Variants in LCORL observed in about 807,000 individuals in gnomAD.
LCORL encodes ligand dependent nuclear receptor corepressor like.
LCORL carries 41 observed loss-of-function variants against 141.8 expected under a neutral mutation model. The observed-to-expected ratio is 0.29, with a 90% CI of 0.23 to 0.38. The LOEUF is 0.38. LCORL is among the 10% of genes least tolerant of loss of function. LCORL has a pLI of 1.00. For missense variants in LCORL, 1,759 were observed against 2,035.0 expected (o/e 0.86, Z 2.61); for synonymous variants, 618 against 694.1 (o/e 0.89, Z 1.72).
At chr4:17,973,474 T>A (rs923973037) in intron 1 of LCORL, among the ~76,000 whole-genome samples, 35 of 151,934 alleles carry the variant, frequency 2.3e-4, no homozygotes, top group African/African-American at 8.0e-4. Flanking sequence ...TTTATGCATT[T>A]CCCAAGTATT....
chr4:17,842,316 GA>G, exon 8 of LCORL: 3 of 1,611,880 alleles, frequency 1.9e-6, no homozygotes, highest in Non-Finnish European at 2.5e-6. Flanking sequence ...CAAGGACAGA[GA>G]AAAGTGACAG....
chr4:18,006,972 G>A (rs1722919791), intron 1 of LCORL, among the ~76,000 whole-genome samples: 1 of 151,952 alleles, frequency 6.6e-6, no homozygotes, highest in African/African-American at 2.4e-5. Flanking sequence ...CCTTTTTTCT[G>A]TATGGCCATA....
At chr4:17,958,205 G>A (rs990600310) in intron 4 of LCORL, among the ~76,000 whole-genome samples, 2 of 151,496 alleles carry the variant, frequency 1.3e-5, no homozygotes, top group Admixed American at 1.3e-4. Flanking sequence ...TTCAACTAAC[G>A]GCATCAAATC....
At chr4:17,898,854 C>A (rs771702069) in intron 5 of LCORL, among the ~76,000 whole-genome samples, 1 of 152,068 alleles carries the variant, frequency 6.6e-6, no homozygotes, top group Non-Finnish European at 1.5e-5. Context: ...AATGGGATTG[C>A]TAGGTCAAAG....
At chr4:18,018,853 G>A (rs955850962) in intron 1 of LCORL, among the ~76,000 whole-genome samples, 4 of 152,038 alleles carry the variant, frequency 2.6e-5, no homozygotes, top group Admixed American at 6.5e-5. Context: ...TGAGAGCACC[G>A]AATATTATAT....
At chr4:18,009,505 C>T (rs769297040) in intron 1 of LCORL, among the ~76,000 whole-genome samples, 4 of 152,064 alleles carry the variant, frequency 2.6e-5, no homozygotes, top group African/African-American at 7.3e-5. Flanking sequence ...CACTGAGAGG[C>T]CTTCCTCCCT....
At chr4:17,866,526 C>T (rs776788001) in intron 7 of LCORL, among the ~76,000 whole-genome samples, 1 of 152,022 alleles carries the variant, frequency 6.6e-6, no homozygotes, top group Admixed American at 6.6e-5. Flanking sequence ...TAAAATCTAG[C>T]TTTCTATGTT....
intron 6 of LCORL, chr4:17,880,460 T>C (rs1727413411): frequency 3.2e-6 from 3 of 930,374 alleles, no homozygotes; most frequent in South Asian, 9.9e-5. Flanking sequence ...AAACCAAACA[T>C]ACTGCCTATT....
At chr4:17,969,004 A>C (rs1715448055) in intron 2 of LCORL, among the ~76,000 whole-genome samples, 1 of 152,246 alleles carries the variant, frequency 6.6e-6, no homozygotes, top group Admixed American at 6.5e-5. Flanking sequence ...TGCCACATAC[A>C]ATCTATTCAT....
chr4:17,921,171 A>T (rs1734241549), intron 4 of LCORL, among the ~76,000 whole-genome samples: 1 of 150,846 alleles, frequency 6.6e-6, no homozygotes. Flanking sequence ...CTACAGGCAC[A>T]CACCACCACA....
At chr4:17,936,781 T>C (rs1021361120) in intron 4 of LCORL, among the ~76,000 whole-genome samples, 1 of 152,182 alleles carries the variant, frequency 6.6e-6, no homozygotes, top group Non-Finnish European at 1.5e-5. Flanking sequence ...CTCCCCTTCC[T>C]ATTTTTTGCA....
At chr4:17,922,445 T>C (rs1013629109) in intron 4 of LCORL, among the ~76,000 whole-genome samples, 4 of 152,150 alleles carry the variant, frequency 2.6e-5, no homozygotes, top group African/African-American at 9.7e-5. Flanking sequence ...CATTTGACCA[T>C]ATGTAAAGAA....
intron 1 of LCORL, among the ~76,000 whole-genome samples, chr4:17,995,539 A>G (rs934199223): frequency 1.3e-5 from 2 of 152,142 alleles, no homozygotes; most frequent in Non-Finnish European, 2.9e-5. Flanking sequence ...AAATCCAAAG[A>G]ACACTTTAAT....
At chr4:18,014,006 T>C (rs2109885834) in intron 1 of LCORL, among the ~76,000 whole-genome samples, 1 of 152,134 alleles carries the variant, frequency 6.6e-6, no homozygotes, top group East Asian at 1.9e-4. Context: ...TGGGGTTGTG[T>C]CATCTTGGCA....
At chr4:17,973,820 A>T (rs745951493) in intron 1 of LCORL, among the ~76,000 whole-genome samples, 1 of 151,938 alleles carries the variant, frequency 6.6e-6, no homozygotes, top group Non-Finnish European at 1.5e-5. Flanking sequence ...CAAAATCAAG[A>T]CTCATCTTAG....
At chr4:17,934,553 T>C (rs970803679) in intron 4 of LCORL, among the ~76,000 whole-genome samples, 2 of 152,174 alleles carry the variant, frequency 1.3e-5, no homozygotes, top group African/African-American at 4.8e-5. Context: ...TGTTGATACA[T>C]GCTTTAGAGA....
Position 18,014,999 on chromosome 4 carries a change from T to A in LCORL, c.154+6599A>T, listed in dbSNP as rs143534118. Reference sequence around the variant, plus strand: ...AGTTATATATACCAAAAGGAAGGAATACTACTAAAAAGAAAAGATAGAAAC... The same window carrying A: ...AGTTATATATACCAAAAGGAAGGAAAACTACTAAAAAGAAAAGATAGAAAC... On this transcript the variant is annotated intron_variant, in intron 1 of 7. Transcript: ENST00000635767. Among the ~76,000 whole-genome samples the A allele has an allele frequency of 5.2e-4, 79 of 152,240 alleles. 1 individual carries two copies. Among genetic ancestry groups the A allele is most frequent in the African/African-American group, 1.8e-3 (75 of 41,534 alleles).
exon 8 of LCORL, chr4:17,844,107 G>A (rs187623948): frequency 3.3e-5 from 5 of 151,942 alleles, no homozygotes; most frequent in East Asian, 3.9e-4. Context: ...GAAGCTGCTC[G>A]CTATATTTTT....
At chr4:17,909,007 T>A (rs928984077) in intron 5 of LCORL, 87 bp downstream of exon 5, 28 of 1,211,752 alleles carry the variant, frequency 2.3e-5, no homozygotes, top group Middle Eastern at 5.4e-4. Flanking sequence ...CCAAAATAAA[T>A]TTCCCTATGA....
Sources: gnomAD v4.1 joint callset for allele counts (sites outside exome capture counted in the v4.1 genomes callset) on GRCh38, gnomAD v4.1.1 for gene constraint, MANE v1.5 for transcripts, NCBI Gene and HGNC (gene_info 2026-07-23, HGNC 2026-07-21) for gene names.